Variants in DOC2B observed in about 807,000 individuals in gnomAD.
The protein encoded by DOC2B is double C2 domain beta, also known as double C2-like domain-containing protein beta.
Under a neutral mutation model 28.9 loss-of-function variants are expected in DOC2B, and 21 were observed. That is an observed-to-expected ratio of 0.73 (90% confidence interval 0.52 to 1.05). The LOEUF (loss-of-function observed/expected upper bound fraction) is 1.05. Ranked by LOEUF, DOC2B falls within the 50% of genes least tolerant of loss-of-function variation. The probability of loss-of-function intolerance (pLI) is 0.00; values close to 1 mark genes in which losing one functional copy is unlikely to be tolerated. For missense variants in DOC2B, 384 were observed against 421.1 expected (o/e 0.91, Z 0.77); for synonymous variants, 194 against 178.1 (o/e 1.09, Z -0.71).
chr17:169,334 G>A (rs896094170), intron 2 of DOC2B, among the ~76,000 whole-genome samples: 7 of 151,868 alleles, frequency 4.6e-5, no homozygotes, highest in African/African-American at 1.7e-4. Context: ...CCAAATGGCA[G>A]CCTCCCCAGG....
In DOC2B at chr17:148,200, C is replaced by T; in HGVS notation, c.1075G>A (p.Asp359Asn). ...ATGAAATCGTTGGATTTTCCAATGT[C>T]GTAATCCCAAACGGTGACCTCCAGG... is the stretch of plus-strand genomic sequence containing the variant. ...KSLEVTVWDY[D>N]IGKSNDFIGG... The change falls in exon 8 of 9, where the codon GAC becomes AAC. Residue 359 changes from aspartate to asparagine, a missense_variant. Asp to Asn is a conservative substitution (Grantham distance 23, BLOSUM62 1). Coordinates refer to ENST00000613549, the MANE Select transcript of DOC2B (RefSeq NM_003585.5). The T allele has an allele frequency of 2.5e-6, 1 of 398,664 alleles. No homozygotes were observed. The highest frequency in any genetic ancestry group is 4.4e-6 in the Non-Finnish European group (1 of 226,110). 24.7% of individuals were successfully genotyped at this position (398,664 alleles called of 1,614,324 possible).
chr17:155,877 C>A, intron 6 of DOC2B: 1 of 308,982 alleles, frequency 3.2e-6, no homozygotes, highest in Non-Finnish European at 5.9e-6. Flanking sequence ...AGCCTCCTGG[C>A]TACCCCCGGC....
chr17:152,114 G>A (rs2040079088), intron 6 of DOC2B, among the ~76,000 whole-genome samples: 7 of 152,082 alleles, frequency 4.6e-5, no homozygotes, highest in Admixed American at 4.6e-4. Context: ...GTGTACCTCT[G>A]AGCCCTCTGC....
rs182665214 is a variant in DOC2B at position 163,345 on chromosome 17, T to C, written c.528+785A>G. ...TGGGGCACTGCCATTTCTCCTACAGTCCTGCCTTCCCTAGAGAAGGGGGAA... is the reference window on the plus strand; with the variant it reads ...TGGGGCACTGCCATTTCTCCTACAGCCCTGCCTTCCCTAGAGAAGGGGGAA... On this transcript the variant is annotated intron_variant, in intron 3 of 8. Transcript: ENST00000613549. 2.1e-3 allele frequency among the ~76,000 whole-genome samples: 325 copies of C among 152,254 alleles called. 2 individuals are homozygous for C. The highest frequency in any genetic ancestry group is 7.6e-3 in the African/African-American group (316 of 41,544).
rs958794863 is a variant in DOC2B, at chr17:181,613, G to C, written c.-134C>G. On this transcript the variant is annotated 5_prime_UTR_variant, in exon 1 of 9. Transcript: ENST00000613549. The surrounding 1 kb of genome is among the most constrained non-coding windows in gnomAD (Gnocchi z 7.0). ...CCGCGCCCCCGGACGGCCCTGACTT[G>C]GCCGCTGCCCGCTCCGCTGCGGACG... 98 of 258,434 alleles carry C rather than the reference G, an allele frequency of 3.8e-4. No homozygotes were observed. Among genetic ancestry groups the C allele is most frequent in the African/African-American group, 2.2e-3 (94 of 42,978 alleles). The allele number at this position is 258,434 out of a possible 1,614,324, so 16.0% of individuals were successfully genotyped here. A position where few individuals can be genotyped will look rare whatever the true frequency, so the allele number is the denominator to read the frequency against.
At position 179,397 on chromosome 17, in the gene DOC2B, G is replaced by GAAAA. The variant is rs747233020; in HGVS notation, c.373+1709_373+1710insTTTT. On this transcript the variant is annotated intron_variant, in intron 1 of 8. Coordinates refer to ENST00000613549, the MANE Select transcript of DOC2B (RefSeq NM_003585.5). The stretch of plus-strand genomic sequence containing the variant: ...TCCTTGCTTTGTGGGTTCAGAGACA[G>GAAAA]CAAAAAAAAGAAAAAGAAAAAGCCT... 1.5e-4 allele frequency among the ~76,000 whole-genome samples: 5 copies of GAAAA among 32,946 alleles called. No individual in the cohort carries two copies. In the East Asian group the frequency reaches 9.3e-3, roughly 61 times the overall value. The allele number at this position is 32,946 out of a possible 152,430, so 21.6% of individuals were successfully genotyped here.
At chr17:161,737 A>C (rs778850397) in intron 4 of DOC2B, among the ~76,000 whole-genome samples, 196 bp from the exon 5 acceptor site, 1 of 152,210 alleles carries the variant, frequency 6.6e-6, no homozygotes, top group Non-Finnish European at 1.5e-5. Flanking sequence ...CTCATGGACA[A>C]GTGTCCTCAG....
At chr17:157,943 A>C (rs1235303269) in intron 5 of DOC2B, among the ~76,000 whole-genome samples, 1 of 152,192 alleles carries the variant, frequency 6.6e-6, no homozygotes, top group Non-Finnish European at 1.5e-5. Context: ...GGTGGATGGA[A>C]AAGGGTCACC....
rs2040131172 is a variant in DOC2B, at chr17:156,047, G to T, written c.923+173C>A. On this transcript the variant is annotated intron_variant, in intron 6 of 8. Coordinates refer to ENST00000613549, the MANE Select transcript of DOC2B (RefSeq NM_003585.5). ...CCTCAGTTTCCCCATCTGTGAAATG[G>T]GCTGGCCATGCTTAACCCCTGGAGT... The T allele has an allele frequency of 1.1e-5, 7 of 658,206 alleles. No individual in the cohort carries two copies. The South Asian group carries it at 1.5e-4, about 14-fold the overall frequency. 40.8% of individuals were successfully genotyped at this position (658,206 alleles called of 1,614,324 possible). A position where few individuals can be genotyped will look rare whatever the true frequency, so the allele number is the denominator to read the frequency against.
intron 1 of DOC2B, among the ~76,000 whole-genome samples, chr17:178,634 G>A (rs2040396326): frequency 6.6e-6 from 1 of 152,192 alleles, no homozygotes; most frequent in South Asian, 2.1e-4. Context: ...GCCCCTCTTC[G>A]AGATCTGCTG....
chr17:178,860 G>C (rs767374805), intron 1 of DOC2B, among the ~76,000 whole-genome samples: 1 of 152,218 alleles, frequency 6.6e-6, no homozygotes, highest in Non-Finnish European at 1.5e-5. Flanking sequence ...GAACCATCTG[G>C]CTTGAATCAT....
At chr17:172,657 C>A in intron 1 of DOC2B, 41 bp from the exon 2 acceptor site, 1 of 1,502,798 alleles carries the variant, frequency 6.7e-7, no homozygotes, top group South Asian at 1.2e-5. Context: ...CTGGCCGCAT[C>A]TTGGAGAGGC....
At chr17:170,817 GCACC>G in intron 2 of DOC2B, among the ~76,000 whole-genome samples, 5 of 131,818 alleles carry the variant, frequency 3.8e-5, no homozygotes, top group Non-Finnish European at 8.3e-5. Context: ...GCAGAGGGCA[GCACC>G]AGGGGCCGGG....
chr17:154,799 G>A (rs1185546838), intron 6 of DOC2B, among the ~76,000 whole-genome samples: 4 of 151,458 alleles, frequency 2.6e-5, no homozygotes, highest in African/African-American at 4.9e-5. Flanking sequence ...GTGTGATCTC[G>A]GCTCACTGCA....
chr17:162,449 C>T (rs754033838), intron 3 of DOC2B, among the ~76,000 whole-genome samples: 15 of 152,122 alleles, frequency 9.9e-5, no homozygotes, highest in Non-Finnish European at 1.8e-4. Context: ...CAGTCAGGGA[C>T]GTCACCAAGG....
At position 147,457 on chromosome 17, in the gene DOC2B, G is replaced by A. The variant is rs1425349012; in HGVS notation, c.1223C>T (p.Ala408Val). The A allele has an allele frequency of 7.5e-6, 3 of 398,664 alleles. No individual in the cohort carries two copies. The highest frequency in any genetic ancestry group is 8.8e-6 in the Non-Finnish European group (2 of 226,174). The allele number at this position is 398,664 out of a possible 1,614,324, so 24.7% of individuals were successfully genotyped here. A position where few individuals can be genotyped will look rare whatever the true frequency, so the allele number is the denominator to read the frequency against. Residue 408 changes from alanine to valine, a missense_variant, in exon 9 of 9, where the codon GCT becomes GTT. Ala to Val is a moderately conservative substitution (Grantham distance 64, BLOSUM62 0). Transcript: ENST00000613549. The part of the protein sequence containing the change: ...WHTLTSELPG[A>V]VLSD ...GGGTGGGCGTCAGTCGCTGAGCACA[G>A]CCCCTGGGAGCTCGCTGGTGAGCGT...
Position 143,781 on chromosome 17 carries a change from C to T in DOC2B, c.*3660G>A, listed in dbSNP as rs1039607156. 2.2e-4 allele frequency: 34 copies of T among 152,154 alleles called. No individual in the cohort carries two copies. The highest frequency in any genetic ancestry group is 8.2e-4 in the African/African-American group (34 of 41,560). 9.4% of individuals were successfully genotyped at this position (152,154 alleles called of 1,614,324 possible). On this transcript the variant is annotated 3_prime_UTR_variant, in exon 9 of 9. Transcript: ENST00000613549. ...TTAAAAAGGACACCTTCGGGTAGGT[C>T]AGACCAAAATACAAAACTTGTCTGT...
At chr17:172,721 C>T in intron 1 of DOC2B, 105 bp from the exon 2 acceptor site, 1 of 908,256 alleles carries the variant, frequency 1.1e-6, no homozygotes, top group Non-Finnish European at 1.6e-6. Flanking sequence ...TGCCACCGTT[C>T]CATGGCGGCT....
intron 5 of DOC2B, among the ~76,000 whole-genome samples, chr17:160,326 G>T (rs1555523064): frequency 6.6e-6 from 1 of 152,164 alleles, no homozygotes; most frequent in Admixed American, 6.5e-5. Flanking sequence ...AACAGGAAAG[G>T]TTATATCCAT....
Sources: gnomAD v4.1 joint callset for allele counts (sites outside exome capture counted in the v4.1 genomes callset) on GRCh38, gnomAD v4.1.1 for gene constraint, Gnocchi (gnomAD v3.1) non-coding constraint, MANE v1.5 for transcripts, NCBI Gene and HGNC (gene_info 2026-07-23, HGNC 2026-07-21) for gene names.